Variants in NALF1 observed in about 807,000 individuals in gnomAD.
NALF1 encodes the protein family with sequence similarity 155 member A.
NALF1 carries 3 observed loss-of-function variants against 48.4 expected under a neutral mutation model. The observed-to-expected ratio is 0.06, with a 90% CI of 0.03 to 0.16. NALF1 has a LOEUF of 0.16. Ranked by LOEUF, NALF1 falls within the 10% of genes least tolerant of loss-of-function variation. NALF1 has a pLI of 1.00. For synonymous variants in NALF1, 262 were observed against 245.7 expected (o/e 1.07, Z -0.62); for missense variants, 526 against 571.5 (o/e 0.92, Z 0.81).
chr13:107,194,846 A>T (rs1879358298), intron 2 of NALF1, among the ~76,000 whole-genome samples: 1 of 152,228 alleles, frequency 6.6e-6, no homozygotes, highest in Non-Finnish European at 1.5e-5. Context: ...TCCAGAATCT[A>T]CAAAGAACTC....
At chr13:107,246,804 T>C (rs543052448) in intron 1 of NALF1, among the ~76,000 whole-genome samples, 9 of 152,282 alleles carry the variant, frequency 5.9e-5, no homozygotes, top group East Asian at 3.9e-4. Context: ...ATCATACTTA[T>C]GTTTGGACAT....
rs572746213 is a variant in NALF1, at chr13:107,629,976, A to G, written c.915+235706T>C. The stretch of plus-strand genomic sequence containing the variant: ...TCAGTCAAGATACCGTTTCTAAAAT[A>G]TCGATCATTCATCTGTCTATTTGTC... On this transcript the variant is annotated intron_variant, in intron 1 of 2. Transcript: ENST00000375915. Among the ~76,000 whole-genome samples the G allele has an allele frequency of 2.6e-5, 4 of 152,210 alleles. No individual in the cohort carries two copies. The East Asian group carries it at 7.8e-4, about 29-fold the overall frequency.
intron 1 of NALF1, among the ~76,000 whole-genome samples, chr13:107,674,928 C>T (rs1464944874): frequency 6.6e-6 from 1 of 151,986 alleles, no homozygotes; most frequent in Non-Finnish European, 1.5e-5. Flanking sequence ...GCTTGGAGTT[C>T]AATGATGTGG....
rs114257495 is a variant in NALF1, at chr13:107,653,728, C to T, written c.915+211954G>A. Among the ~76,000 whole-genome samples the T allele has an allele frequency of 3.8e-3, 583 of 152,008 alleles. 4 individuals are homozygous for T. The highest frequency in any genetic ancestry group is 0.013 in the African/African-American group (520 of 41,474). On this transcript the variant is annotated intron_variant, in intron 1 of 2. Transcript: ENST00000375915. ...TCAGCTGCCCAATTAGAAACAACTC[C>T]AGAGCTATTTTTGAGGTCAAAATTA... is the stretch of plus-strand genomic sequence containing the variant.
intron 1 of NALF1, among the ~76,000 whole-genome samples, chr13:107,400,468 C>A (rs966062885): frequency 1.3e-5 from 2 of 152,168 alleles, no homozygotes; most frequent in South Asian, 4.1e-4. Context: ...GTAATCCCAG[C>A]ACTTTTGGAG....
At chr13:107,413,190 A>T (rs866226872) in intron 1 of NALF1, among the ~76,000 whole-genome samples, 2 of 151,480 alleles carry the variant, frequency 1.3e-5, no homozygotes, top group South Asian at 2.1e-4. Context: ...TTTCCATGAA[A>T]TAGTTAGTAT....
chr13:107,793,021 A>G (rs994508418), intron 1 of NALF1, among the ~76,000 whole-genome samples: 7 of 152,176 alleles, frequency 4.6e-5, no homozygotes, highest in African/African-American at 1.7e-4. Flanking sequence ...AATAATATTT[A>G]TGGACATCAG....
At chr13:107,556,469 A>T (rs1877487584) in intron 1 of NALF1, among the ~76,000 whole-genome samples, 1 of 151,810 alleles carries the variant, frequency 6.6e-6, no homozygotes, top group Non-Finnish European at 1.5e-5. Flanking sequence ...TGAATTCATT[A>T]TCTGTTTATT....
At chr13:107,390,645 G>A (rs914222978) in intron 1 of NALF1, among the ~76,000 whole-genome samples, 2 of 151,970 alleles carry the variant, frequency 1.3e-5, no homozygotes, top group African/African-American at 4.8e-5. Context: ...AGTTTTACTT[G>A]AGGCAAAGTT....
At chr13:107,622,285 A>C (rs190996441) in intron 1 of NALF1, among the ~76,000 whole-genome samples, 233 of 151,942 alleles carry the variant, frequency 1.5e-3, no homozygotes, top group African/African-American at 5.4e-3. Context: ...ACAAAATTAG[A>C]AAATTAGCCA....
chr13:107,623,657 T>C (rs1011585727), intron 1 of NALF1, among the ~76,000 whole-genome samples: 2 of 152,172 alleles, frequency 1.3e-5, no homozygotes, highest in Non-Finnish European at 2.9e-5. Context: ...ATTTGGCTTG[T>C]TTGCTGTGAA....
At chr13:107,293,198 T>C (rs1179977857) in intron 1 of NALF1, among the ~76,000 whole-genome samples, 1 of 151,948 alleles carries the variant, frequency 6.6e-6, no homozygotes, top group Non-Finnish European at 1.5e-5. Flanking sequence ...GCCAGGATGC[T>C]CTCGATCTCC....
chr13:107,342,930 G>C (rs1165324592), intron 1 of NALF1, among the ~76,000 whole-genome samples: 2 of 152,002 alleles, frequency 1.3e-5, no homozygotes, highest in Admixed American at 1.3e-4. Context: ...ACAGTAACAG[G>C]AGGAGATCTT....
intron 1 of NALF1, among the ~76,000 whole-genome samples, chr13:107,274,948 C>T (rs1881250077): frequency 6.6e-6 from 1 of 152,094 alleles, no homozygotes; most frequent in Non-Finnish European, 1.5e-5. Flanking sequence ...AATACTACTT[C>T]ATGACTGGTT....
At chr13:107,812,790 T>C (rs1183155105) in intron 1 of NALF1, among the ~76,000 whole-genome samples, 1 of 152,170 alleles carries the variant, frequency 6.6e-6, no homozygotes, top group Non-Finnish European at 1.5e-5. Flanking sequence ...TTTTTCATTT[T>C]TTTTGTTTGT....
intron 1 of NALF1, among the ~76,000 whole-genome samples, chr13:107,371,195 C>T (rs1231336077): frequency 6.6e-6 from 1 of 152,026 alleles, no homozygotes; most frequent in Non-Finnish European, 1.5e-5. Flanking sequence ...GCTTATAATC[C>T]CAGCACTTTG....
At chr13:107,846,708 G>A (rs1456849673) in intron 1 of NALF1, among the ~76,000 whole-genome samples, 4 of 152,228 alleles carry the variant, frequency 2.6e-5, no homozygotes, top group Non-Finnish European at 4.4e-5. Context: ...CAGAATAGCT[G>A]AGGAGGAGTT....
At chr13:107,276,313 C>T (rs1295283205) in intron 1 of NALF1, among the ~76,000 whole-genome samples, 1 of 152,142 alleles carries the variant, frequency 6.6e-6, no homozygotes, top group African/African-American at 2.4e-5. Context: ...AACTTCATCT[C>T]TTTAATCAGA....
chr13:107,443,216 C>T (rs1206182942), intron 1 of NALF1, among the ~76,000 whole-genome samples: 1 of 149,470 alleles, frequency 6.7e-6, no homozygotes, highest in African/African-American at 2.5e-5. Flanking sequence ...ATCTATCTAT[C>T]TATCGATATG....
Sources: gnomAD v4.1 joint callset for allele counts (sites outside exome capture counted in the v4.1 genomes callset) on GRCh38, gnomAD v4.1.1 for gene constraint, MANE v1.5 for transcripts, NCBI Gene and HGNC (gene_info 2026-07-23, HGNC 2026-07-21) for gene names.